TOLLIP: variants seen among roughly 807,000 people sequenced by gnomAD.
TOLLIP encodes toll interacting protein, also known as toll-interacting protein.
TOLLIP carries 16 observed loss-of-function variants against 33.5 expected under a neutral mutation model. That is an observed-to-expected ratio of 0.48 (90% CI 0.32 to 0.72). The LOEUF is 0.72. Ranked by LOEUF, TOLLIP falls within the 30% of genes least tolerant of loss-of-function variation. The pLI is 0.03. For missense variants in TOLLIP, 325 were observed against 396.6 expected, an observed-to-expected ratio of 0.82 and a Z score of 1.53; for synonymous variants, 176 against 163.7, an observed-to-expected ratio of 1.07 and a Z score of -0.57.
chr11:1,299,344 T>C (rs917145327), intron 1 of TOLLIP, among the ~76,000 whole-genome samples: 1 of 152,130 alleles, frequency 6.6e-6, no homozygotes, highest in Admixed American at 6.5e-5. Context: ...AATGCCCTCG[T>C]TTCTCAACTT....
intron 5 of TOLLIP, among the ~76,000 whole-genome samples, chr11:1,282,675 A>G (rs1467454632): frequency 6.6e-6 from 1 of 150,654 alleles, no homozygotes; most frequent in Non-Finnish European, 1.5e-5. Context: ...GAAATACCTA[A>G]TGTTAAATGA....
intron 1 of TOLLIP, among the ~76,000 whole-genome samples, chr11:1,307,437 G>T (rs551618843): frequency 6.6e-6 from 1 of 152,206 alleles, no homozygotes; most frequent in Non-Finnish European, 1.5e-5. Context: ...GCACGCCGGT[G>T]CCCCTCAGAA....
intron 1 of TOLLIP, 43 bp downstream of exon 1, chr11:1,309,423 C>T: frequency 8.3e-7 from 1 of 1,203,470 alleles, no homozygotes; most frequent in Non-Finnish European, 1.1e-6. Context: ...CGCCCGCAAC[C>T]GCAGGTCACC....
In TOLLIP at chr11:1,288,773, C is replaced by T. The variant is rs940369838; in HGVS notation, c.370G>A (p.Ala124Thr). ...GCAATGCGGTCGTCCATGGAGAAGG[C>T]TCTCTGCGGGAGACAAGAGGGAGAG... is the stretch of plus-strand genomic sequence containing the variant. ...SFYLEIFDER[A>T]FSMDDRIAWT... The change falls in exon 4 of 6, where the codon GCC (alanine) becomes ACC (threonine). Residue 124 changes from alanine to threonine, a missense_variant. Physicochemically the swap from Ala to Thr is moderately conservative, Grantham distance 58. Transcript: ENST00000317204. The T allele has an allele frequency of 6.2e-7, 1 of 1,611,752 alleles. No homozygotes were observed.
chr11:1,293,437 C>G (rs532647885), intron 2 of TOLLIP, among the ~76,000 whole-genome samples: 3 of 152,290 alleles, frequency 2.0e-5, no homozygotes, highest in African/African-American at 7.2e-5. Flanking sequence ...GAGGACCAGA[C>G]CCCTTGGCAT....
At chr11:1,293,955 C>A (rs944920424) in intron 2 of TOLLIP, among the ~76,000 whole-genome samples, 1 of 152,256 alleles carries the variant, frequency 6.6e-6, no homozygotes, top group Non-Finnish European at 1.5e-5. Context: ...GAAGGGGTGA[C>A]GGTGTAGCTG....
intron 1 of TOLLIP, among the ~76,000 whole-genome samples, chr11:1,297,987 G>A (rs1864160899): frequency 6.6e-6 from 1 of 152,202 alleles, no homozygotes; most frequent in Non-Finnish European, 1.5e-5. Context: ...TCTCTCCCCG[G>A]GGGACACCTG....
Position 1,297,740 on chromosome 11 carries a change from G to A in TOLLIP, c.34-1946C>T, listed in dbSNP as rs551899938. ...CCCTGCCCTTACGGACAATCGAGGAGGGTGCAGAGGTGCCTGAGCGGAGTG... is the reference window on the plus strand; with the variant it reads ...CCCTGCCCTTACGGACAATCGAGGAAGGTGCAGAGGTGCCTGAGCGGAGTG... On this transcript the variant is annotated intron_variant, in intron 1 of 5. Transcript: ENST00000317204. 2.6e-4 allele frequency among the ~76,000 whole-genome samples: 39 copies of A among 152,390 alleles called. No homozygotes were observed. In the East Asian group the frequency reaches 6.8e-3, roughly 26 times the overall value.
rs540347173 is a variant in TOLLIP at position 1,278,435 on chromosome 11, T to G, written c.611-1182A>C. Among the ~76,000 whole-genome samples, 334 of 152,296 alleles carry G rather than the reference T, an allele frequency of 2.2e-3. 5 individuals are homozygous for G. Among genetic ancestry groups the G allele is most frequent in the African/African-American group, 7.6e-3 (317 of 41,568 alleles). On this transcript the variant is annotated intron_variant, in intron 5 of 5. Transcript: ENST00000317204. The surrounding 1 kb of genome is among the most constrained non-coding windows in gnomAD (Gnocchi z 4.7). ...GGATCCTAAAGGCAGCAGAAGCCAC[T>G]TCAATCCTGGCCTGAACCAACACCA...
intron 2 of TOLLIP, among the ~76,000 whole-genome samples, chr11:1,293,671 G>A (rs916954298): frequency 6.6e-6 from 1 of 152,256 alleles, no homozygotes; most frequent in African/African-American, 2.4e-5. Flanking sequence ...CAGGGTGCGG[G>A]AGAGGACCAA....
In TOLLIP at chr11:1,274,908, C is replaced by T. The variant is rs752812201; in HGVS notation, c.*2131G>A. 2 of 152,142 alleles carry T rather than the reference C, an allele frequency of 1.3e-5. No individual in the cohort carries two copies. The highest frequency in any genetic ancestry group is 1.9e-4 in the East Asian group (1 of 5,206). The allele number at this position is 152,142 out of a possible 1,614,324, so 9.4% of individuals were successfully genotyped here. A position where few individuals can be genotyped will look rare whatever the true frequency, so the allele number is the denominator to read the frequency against. On this transcript the variant is annotated 3_prime_UTR_variant, in exon 6 of 6. Transcript: ENST00000317204. ...TTGTGAACCAGCTAATTCTGGGGAC[C>T]GCTCGGAGGGGCTCAGCAAGCTGCT...
At chr11:1,279,194 C>A (rs2133878010) in intron 5 of TOLLIP, among the ~76,000 whole-genome samples, 1 of 152,364 alleles carries the variant, frequency 6.6e-6, no homozygotes, top group Non-Finnish European at 1.5e-5. Context: ...GGATGTGGCG[C>A]CGACTGGCCC....
Position 1,277,191 on chromosome 11 carries a change from C to A in TOLLIP, c.673G>T (p.Ala225Ser), listed in dbSNP as rs764384006. Residue 225 changes from alanine to serine, a missense_variant, in exon 6 of 6, where the codon GCC becomes TCC. Ala to Ser is a moderately conservative substitution (Grantham distance 99, BLOSUM62 1). Transcript: ENST00000317204. This position sits in a 1 kb window ranked among gnomAD's most constrained non-coding sequence, Gnocchi z 4.2. ...TCCTCCTCGCTACAGCGGGGCTGGGCGTTCACGGCGGCCGGGGGCAGGGCC... is the reference window on the plus strand; with the variant it reads ...TCCTCCTCGCTACAGCGGGGCTGGGAGTTCACGGCGGCCGGGGGCAGGGCC... Reference protein sequence around the residue: ...PVALPPAAVNAQPRCSEEDLK... With the variant: ...PVALPPAAVNSQPRCSEEDLK... 5.0e-6 allele frequency: 8 copies of A among 1,602,686 alleles called. No homozygotes were observed. The highest frequency in any genetic ancestry group is 1.7e-4 in the Middle Eastern group (1 of 6,018).
chr11:1,280,879 C>T (rs1345355397), intron 5 of TOLLIP, among the ~76,000 whole-genome samples: 1 of 152,192 alleles, frequency 6.6e-6, no homozygotes, highest in Non-Finnish European at 1.5e-5. Flanking sequence ...GTGCCAGGGA[C>T]AGCTGAAGGG....
chr11:1,299,161 A>G (rs1031682445), intron 1 of TOLLIP, among the ~76,000 whole-genome samples: 3 of 152,262 alleles, frequency 2.0e-5, no homozygotes, highest in African/African-American at 4.8e-5. Context: ...TCAATTCGTC[A>G]TAAGACTGAA....
chr11:1,279,070 T>A (rs1238755044), intron 5 of TOLLIP, among the ~76,000 whole-genome samples: 1 of 152,180 alleles, frequency 6.6e-6, no homozygotes. Context: ...TTTACCAGTC[T>A]GATGGGGAAG....
intron 5 of TOLLIP, among the ~76,000 whole-genome samples, chr11:1,282,248 T>A (rs1034570494): frequency 3.3e-5 from 5 of 151,974 alleles, no homozygotes; most frequent in Admixed American, 2.0e-4. Context: ...AGAACAAAGA[T>A]CCCGCCTGAG....
At position 1,277,841 on chromosome 11, in the gene TOLLIP, C is replaced by A. The variant is rs185092938; in HGVS notation, c.611-588G>T. ...ACCTCAGCAAAGCTGCAGCCGATGC[C>A]CAGAATGACAACCCCACACACACAT... On this transcript the variant is annotated intron_variant, in intron 5 of 5. Coordinates refer to ENST00000317204, the MANE Select transcript of TOLLIP (RefSeq NM_019009.4). This position sits in a 1 kb window ranked among gnomAD's most constrained non-coding sequence, Gnocchi z 4.2. Among the ~76,000 whole-genome samples the A allele has an allele frequency of 2.7e-4, 41 of 152,268 alleles. No homozygotes were observed. The highest frequency in any genetic ancestry group is 9.4e-4 in the African/African-American group (39 of 41,532).
At chr11:1,281,689 C>G (rs952366065) in intron 5 of TOLLIP, among the ~76,000 whole-genome samples, 1 of 152,270 alleles carries the variant, frequency 6.6e-6, no homozygotes, top group East Asian at 1.9e-4. Flanking sequence ...TTGGCCAGGC[C>G]GCCCTGCGTG....
Sources: allele counts gnomAD v4.1 joint callset (sites outside exome capture counted in the v4.1 genomes callset), GRCh38; gene constraint gnomAD v4.1.1; non-coding constraint Gnocchi (gnomAD v3.1); transcripts MANE v1.5; gene names NCBI Gene and HGNC (gene_info 2026-07-23, HGNC 2026-07-21).